Variants in ST8SIA1 observed in about 807,000 individuals in gnomAD.
ST8SIA1 encodes the protein ST8 alpha-N-acetyl-neuraminide alpha-2,8-sialyltransferase 1.
In ST8SIA1, 16 loss-of-function variants were observed where a neutral mutation model predicts 35.9. That is an observed-to-expected ratio of 0.45 (90% CI 0.30 to 0.68). The LOEUF (loss-of-function observed/expected upper bound fraction) is 0.68, where lower values mean the gene tolerates loss of function less well. Ranked by LOEUF, ST8SIA1 falls within the 30% of genes least tolerant of loss-of-function variation. The pLI is 0.09. For missense variants in ST8SIA1, 383 were observed against 453.6 expected, an observed-to-expected ratio of 0.84 and a Z score of 1.41; for synonymous variants, 170 against 169.6, an observed-to-expected ratio of 1.00 and a Z score of -0.02.
intron 4 of ST8SIA1, among the ~76,000 whole-genome samples, chr12:22,238,581 A>G (rs1591831673): frequency 6.6e-6 from 1 of 152,332 alleles, no homozygotes; most frequent in East Asian, 1.9e-4. Flanking sequence ...AGAAACGTGA[A>G]AGATACTAAA....
chr12:22,327,054 C>A (rs1277934829), intron 1 of ST8SIA1, among the ~76,000 whole-genome samples: 2 of 152,148 alleles, frequency 1.3e-5, no homozygotes, highest in Non-Finnish European at 2.9e-5. Flanking sequence ...TTACAAAAAA[C>A]CCACTATAAT....
intron 4 of ST8SIA1, among the ~76,000 whole-genome samples, chr12:22,247,976 G>T (rs1865624580): frequency 6.6e-6 from 1 of 152,074 alleles, no homozygotes; most frequent in African/African-American, 2.4e-5. Flanking sequence ...AAATTAAGTA[G>T]AATATAATGT....
chr12:22,275,490 G>A (rs1038741871), intron 2 of ST8SIA1, among the ~76,000 whole-genome samples: 1 of 152,112 alleles, frequency 6.6e-6, no homozygotes, highest in Non-Finnish European at 1.5e-5. Context: ...GGGGGCAGAG[G>A]TTGCAGTGAG....
At chr12:22,331,583 T>C (rs1330607037) in intron 1 of ST8SIA1, among the ~76,000 whole-genome samples, 1 of 152,212 alleles carries the variant, frequency 6.6e-6, no homozygotes, top group African/African-American at 2.4e-5. Flanking sequence ...AAGTTGTGTC[T>C]CCTTAACATG....
intron 1 of ST8SIA1, among the ~76,000 whole-genome samples, chr12:22,298,628 T>C (rs1047729865): frequency 6.6e-6 from 1 of 152,232 alleles, no homozygotes; most frequent in African/African-American, 2.4e-5. Flanking sequence ...AAGGTAATTC[T>C]TTTTAAACAT....
chr12:22,288,192 C>T (rs754649822), intron 1 of ST8SIA1, among the ~76,000 whole-genome samples: 38 of 152,202 alleles, frequency 2.5e-4, no homozygotes, highest in Non-Finnish European at 2.6e-4. Context: ...TTATTCACCA[C>T]TTCCTCCTCT....
intron 2 of ST8SIA1, among the ~76,000 whole-genome samples, chr12:22,262,478 T>A (rs941176185): frequency 6.6e-6 from 1 of 152,108 alleles, no homozygotes; most frequent in African/African-American, 2.4e-5. Flanking sequence ...CCTCCACCAC[T>A]GGCACAAGGA....
intron 1 of ST8SIA1, among the ~76,000 whole-genome samples, chr12:22,298,250 C>A (rs1309847770): frequency 1.3e-5 from 2 of 152,282 alleles, no homozygotes; most frequent in African/African-American, 2.4e-5. Flanking sequence ...GCAAATTAAT[C>A]GAACCCAAGG....
intron 4 of ST8SIA1, among the ~76,000 whole-genome samples, chr12:22,230,978 C>T (rs1038100689): frequency 1.3e-5 from 2 of 151,976 alleles, no homozygotes; most frequent in Non-Finnish European, 2.9e-5. Context: ...GAAAGTGAGG[C>T]CTCTTCTAAG....
intron 1 of ST8SIA1, among the ~76,000 whole-genome samples, chr12:22,313,466 A>G (rs1352550813): frequency 6.6e-6 from 1 of 152,162 alleles, no homozygotes; most frequent in Non-Finnish European, 1.5e-5. Flanking sequence ...ACCATGAGGC[A>G]TAGAAAATGG....
At chr12:22,208,135 C>CAAAAAAAAA (rs71053390) in intron 4 of ST8SIA1, among the ~76,000 whole-genome samples, 1 of 97,844 alleles carries the variant, frequency 1.0e-5, no homozygotes. Context: ...GTCTGTCTCA[C>CAAAAAAAAA]AAAAAAAAAA....
intron 2 of ST8SIA1, among the ~76,000 whole-genome samples, chr12:22,270,703 A>G (rs1865902809): frequency 6.6e-6 from 1 of 152,200 alleles, no homozygotes; most frequent in Non-Finnish European, 1.5e-5. Context: ...TTTAATGAGG[A>G]CGCTGTATGT....
rs1865018098 is a variant in ST8SIA1 at position 22,198,774 on chromosome 12, C to T, written c.*2778G>A. The T allele has an allele frequency of 6.6e-6, 1 of 152,116 alleles. No individual in the cohort carries two copies. Among genetic ancestry groups the T allele is most frequent in the Non-Finnish European group, 1.5e-5 (1 of 68,040 alleles). 9.4% of individuals were successfully genotyped at this position (152,116 alleles called of 1,614,324 possible). A position where few individuals can be genotyped will look rare whatever the true frequency, so the allele number is the denominator to read the frequency against. On this transcript the variant is annotated 3_prime_UTR_variant, in exon 5 of 5. Transcript: ENST00000396037. ...TCTAATCCAGGTCTGAGATGTCAAC[C>T]TTGATACTACTGACATCTCAGCCTG...
At chr12:22,235,253 A>G (rs1406352753) in intron 4 of ST8SIA1, among the ~76,000 whole-genome samples, 1 of 152,228 alleles carries the variant, frequency 6.6e-6, no homozygotes, top group Non-Finnish European at 1.5e-5. Flanking sequence ...TCCAGTTGGA[A>G]AGAAAACTTT....
intron 1 of ST8SIA1, among the ~76,000 whole-genome samples, chr12:22,291,120 T>C (rs910638143): frequency 1.3e-5 from 2 of 152,162 alleles, no homozygotes; most frequent in Admixed American, 6.5e-5. Context: ...TCCCTCCTAA[T>C]GGAATTCATA....
chr12:22,292,198 CA>C (rs1434804908), intron 1 of ST8SIA1, among the ~76,000 whole-genome samples: 1 of 152,104 alleles, frequency 6.6e-6, no homozygotes, highest in Non-Finnish European at 1.5e-5. Flanking sequence ...AATCTGCCCT[CA>C]AAAAGTTCCA....
At chr12:22,233,714 G>A (rs12817074) in intron 4 of ST8SIA1, among the ~76,000 whole-genome samples, 49,623 of 151,736 alleles carry the variant, frequency 0.33, 8,900 homozygotes, top group Middle Eastern at 0.59. Flanking sequence ...CTTAATAGCT[G>A]ATTGAAGCAA....
In ST8SIA1 at chr12:22,290,381, T is replaced by C. The variant is rs73251944; in HGVS notation, c.237-3088A>G. 2.9e-3 allele frequency among the ~76,000 whole-genome samples: 435 copies of C among 152,330 alleles called. 4 individuals carry two copies. The highest frequency in any genetic ancestry group is 9.9e-3 in the African/African-American group (413 of 41,576). On this transcript the variant is annotated intron_variant, in intron 1 of 4. Coordinates refer to ENST00000396037, the MANE Select transcript of ST8SIA1 (RefSeq NM_003034.4). ...AACAGGAATAGTACTAGTACTATAG[T>C]ACTACCAGCTGCAGTACTAATAGTA...
intron 4 of ST8SIA1, among the ~76,000 whole-genome samples, chr12:22,218,160 C>CA (rs1289190541): frequency 1.3e-5 from 2 of 150,164 alleles, no homozygotes; most frequent in African/African-American, 4.9e-5. Context: ...CCCATCTCTA[C>CA]AAAAAATACA....
Sources: gnomAD v4.1 joint callset for allele counts (sites outside exome capture counted in the v4.1 genomes callset) on GRCh38, gnomAD v4.1.1 for gene constraint, MANE v1.5 for transcripts, NCBI Gene and HGNC (gene_info 2026-07-23, HGNC 2026-07-21) for gene names.